CKAP5: variants seen among roughly 807,000 people sequenced by gnomAD.
CKAP5 encodes the protein cytoskeleton associated protein 5, also known as cytoskeleton-associated protein 5.
Under a neutral mutation model 232.8 loss-of-function variants are expected in CKAP5, and 27 were observed. The ratio of observed to expected loss-of-function variants is 0.12; its 90% CI spans 0.09 to 0.16. The LOEUF (loss-of-function observed/expected upper bound fraction) is 0.16, where lower values mean the gene tolerates loss of function less well. Among genes scored for constraint, CKAP5 ranks in the 10% least tolerant of loss-of-function variants. The probability of loss-of-function intolerance (pLI) is 1.00; values close to 1 mark genes in which losing one functional copy is unlikely to be tolerated. For missense variants in CKAP5, 1,838 were observed against 2,424.7 expected, an observed-to-expected ratio of 0.76 and a Z score of 5.08; for synonymous variants, 785 against 841.1, an observed-to-expected ratio of 0.93 and a Z score of 1.16.
At chr11:46,807,182 G>T (rs2134667219) in intron 8 of CKAP5, among the ~76,000 whole-genome samples, 1 of 152,274 alleles carries the variant, frequency 6.6e-6, no homozygotes, top group South Asian at 2.1e-4. Flanking sequence ...ATAAAACAAA[G>T]TTATGTACTG....
intron 35 of CKAP5, among the ~76,000 whole-genome samples, chr11:46,757,155 A>T (rs759692850): frequency 2.6e-5 from 4 of 151,998 alleles, no homozygotes; most frequent in Non-Finnish European, 5.9e-5. Context: ...TTATCAGCAA[A>T]GTGATGTGGA....
At chr11:46,744,388 T>C (rs754674386) in intron 43 of CKAP5, 38 bp downstream of exon 43, 5 of 1,613,724 alleles carry the variant, frequency 3.1e-6, no homozygotes, top group Non-Finnish European at 4.2e-6. Context: ...TGCTTGTGAC[T>C]ACCCTCCCTG....
In CKAP5 at chr11:46,787,273, C is replaced by T. The variant is rs1278450677; in HGVS notation, c.1968+1408G>A. ...GTGCTATGTAACACAATGTAAGGGA[C>T]ACACAGTGTATGAGGGAGCTAAACA... On this transcript the variant is annotated intron_variant, in intron 16 of 43. Transcript: ENST00000529230. 3.3e-5 allele frequency among the ~76,000 whole-genome samples: 5 copies of T among 152,284 alleles called. No individual in the cohort carries two copies. The East Asian group carries it at 5.8e-4, about 18-fold the overall frequency.
intron 27 of CKAP5, among the ~76,000 whole-genome samples, chr11:46,766,516 G>A (rs555701751): frequency 1.8e-4 from 27 of 152,292 alleles, no homozygotes; most frequent in Admixed American, 1.8e-3. Context: ...AGGCCCTAGA[G>A]TGTGTACTCC....
intron 4 of CKAP5, among the ~76,000 whole-genome samples, chr11:46,813,784 A>C (rs1939329340): frequency 6.6e-6 from 1 of 152,168 alleles, no homozygotes; most frequent in African/African-American, 2.4e-5. Flanking sequence ...AGTTTAGCTA[A>C]AAAATGAAAT....
In CKAP5 at chr11:46,823,126, A is replaced by G. The variant is rs572667169; in HGVS notation, c.-37-1858T>C. Among the ~76,000 whole-genome samples, 164 of 152,166 alleles carry G rather than the reference A, an allele frequency of 1.1e-3. No individual in the cohort carries two copies. The South Asian group carries it at 0.014, about 13-fold the overall frequency. On this transcript the variant is annotated intron_variant, in intron 1 of 43. Transcript: ENST00000529230. The stretch of plus-strand genomic sequence containing the variant: ...GGTGGGACTGCAGGTGTGCACCACC[A>G]TGCTCGGCTAATTTTGAAATTTTTT...
At chr11:46,782,853 G>A (rs1017042484) in intron 18 of CKAP5, among the ~76,000 whole-genome samples, 66 of 152,302 alleles carry the variant, frequency 4.3e-4, no homozygotes, top group African/African-American at 1.5e-3. Context: ...AAACAACCGT[G>A]CTCTATAAGC....
Position 46,835,588 on chromosome 11 carries a change from T to C in CKAP5, c.-38+10632A>G, listed in dbSNP as rs116943938. Among the ~76,000 whole-genome samples, 480 of 152,134 alleles carry C rather than the reference T, an allele frequency of 3.2e-3. 1 individual carries two copies. Among genetic ancestry groups the C allele is most frequent in the Middle Eastern group, 6.8e-3 (2 of 294 alleles). On this transcript the variant is annotated intron_variant, in intron 1 of 43. Transcript: ENST00000529230. ...AATTATTCGACGGAAAAAAATAGATTATAAAATCTCAAAGTACAGAATAAA... is the reference window on the plus strand; with the variant it reads ...AATTATTCGACGGAAAAAAATAGATCATAAAATCTCAAAGTACAGAATAAA...
At chr11:46,759,477 G>C in intron 33 of CKAP5, 35 bp from the exon 34 acceptor site, 1 of 1,590,372 alleles carries the variant, frequency 6.3e-7, no homozygotes, top group Non-Finnish European at 8.5e-7. Context: ...TGAACTAAAA[G>C]AGACTTCTTA....
At chr11:46,842,183 G>A (rs1175992077) in intron 1 of CKAP5, among the ~76,000 whole-genome samples, 3 of 152,088 alleles carry the variant, frequency 2.0e-5, no homozygotes, top group Admixed American at 6.5e-5. Context: ...AATGTATGCC[G>A]GGACAACAGA....
At chr11:46,800,211 T>C (rs1203324844) in intron 9 of CKAP5, among the ~76,000 whole-genome samples, 3 of 152,210 alleles carry the variant, frequency 2.0e-5, no homozygotes. Context: ...ATGATGTATA[T>C]GTCTAAGGGT....
rs1323752506 is a variant in CKAP5 at position 46,788,744 on chromosome 11, C to T, written c.1905G>A (p.Met635Ile). ...GCATCCTCACTAATGCCTGGCATGG[C>T]ATTTCAGTTCGGTCCATTAGCTCAA... is the stretch of plus-strand genomic sequence containing the variant. ...KAVELMDRTE[M>I]PCQALVRMLA... The change falls in exon 16 of 44, where the codon ATG (methionine) becomes ATA (isoleucine). Residue 635 changes from methionine (M) to isoleucine (I), a missense_variant. Transcript: ENST00000529230. 1.9e-6 allele frequency: 3 copies of T among 1,608,584 alleles called. No individual in the cohort carries two copies. Among genetic ancestry groups the T allele is most frequent in the South Asian group, 1.1e-5 (1 of 89,778 alleles).
chr11:46,801,439 G>A, intron 8 of CKAP5, 135 bp from the exon 9 acceptor site: 1 of 590,584 alleles, frequency 1.7e-6, no homozygotes, highest in Non-Finnish European at 3.1e-6. Flanking sequence ...GGAGGCCAAG[G>A]TGGGTGGACC....
chr11:46,746,618 T>C (rs4593969), intron 42 of CKAP5, among the ~76,000 whole-genome samples: 148,358 of 152,274 alleles, frequency 0.97, 72,381 homozygotes, highest in Middle Eastern at 1. Flanking sequence ...GTAAGAATGT[T>C]GTATAAAAGA....
In CKAP5 at chr11:46,808,012, T is replaced by C. The variant is rs113744631; in HGVS notation, c.978+19A>G. On this transcript the variant is annotated intron_variant, in intron 8 of 43. Coordinates refer to ENST00000529230, the MANE Select transcript of CKAP5 (RefSeq NM_001008938.4). ...CTGATGGCTGTTACAATACCAGTACTGCAAGTCCTCATATTTACCTTCTTT... is the reference window on the plus strand; with the variant it reads ...CTGATGGCTGTTACAATACCAGTACCGCAAGTCCTCATATTTACCTTCTTT... The C allele has an allele frequency of 6.4e-7, 1 of 1,567,618 alleles. No individual in the cohort carries two copies. The highest frequency in any genetic ancestry group is 1.4e-5 in the African/African-American group (1 of 73,960).
chr11:46,824,971 G>C (rs1458712743), intron 1 of CKAP5, among the ~76,000 whole-genome samples: 1 of 152,084 alleles, frequency 6.6e-6, no homozygotes, highest in East Asian at 1.9e-4. Flanking sequence ...TTTTATCCCA[G>C]TCTAAAACTG....
intron 7 of CKAP5, 94 bp from the exon 8 acceptor site, chr11:46,808,238 T>TC: frequency 1.1e-6 from 1 of 889,578 alleles, no homozygotes; most frequent in Non-Finnish European, 1.8e-6. Context: ...GATACATAAT[T>TC]TTTTTAAAAA....
intron 16 of CKAP5, among the ~76,000 whole-genome samples, chr11:46,786,522 A>G (rs2065395284): frequency 6.6e-6 from 1 of 152,236 alleles, no homozygotes; most frequent in Non-Finnish European, 1.5e-5. Flanking sequence ...GTTGAAAACA[A>G]CGAAAACAAT....
At chr11:46,800,078 T>C (rs1461927610) in intron 9 of CKAP5, among the ~76,000 whole-genome samples, 2 of 151,972 alleles carry the variant, frequency 1.3e-5, no homozygotes, top group Non-Finnish European at 2.9e-5. Context: ...TCTTGAAAAA[T>C]TATTCCCAAT....
Sources: gnomAD v4.1 joint callset for allele counts (sites outside exome capture counted in the v4.1 genomes callset) on GRCh38, gnomAD v4.1.1 for gene constraint, MANE v1.5 for transcripts, NCBI Gene and HGNC (gene_info 2026-07-23, HGNC 2026-07-21) for gene names.